The following STXBP3 variants were observed in gnomAD, a reference collection of about 807,000 sequenced individuals.
STXBP3 encodes syntaxin-binding protein 3.
A neutral mutation model predicts 85.7 loss-of-function variants in STXBP3; 41 were observed. The observed-to-expected ratio is 0.48, with a 90% CI of 0.37 to 0.62. The LOEUF (loss-of-function observed/expected upper bound fraction) is 0.62, where lower values mean the gene tolerates loss of function less well. Ranked by LOEUF, STXBP3 falls within the 20% of genes least tolerant of loss-of-function variation. STXBP3 has a pLI of 0.00. For synonymous variants in STXBP3, 229 were observed against 231.7 expected (o/e 0.99, Z 0.10); for missense variants, 563 against 703.1 (o/e 0.80, Z 2.25).
intron 6 of STXBP3, among the ~76,000 whole-genome samples, chr1:108,763,526 A>AATT (rs1662188583): frequency 6.6e-6 from 1 of 152,170 alleles, no homozygotes; most frequent in Non-Finnish European, 1.5e-5. Context: ...TAACTCTAAT[A>AATT]AGAGTCACTG....
chr1:108,798,862 A>G (rs969918777), intron 16 of STXBP3, among the ~76,000 whole-genome samples: 4 of 152,256 alleles, frequency 2.6e-5, no homozygotes, highest in Non-Finnish European at 4.4e-5. Flanking sequence ...ATGAAAGTTC[A>G]ACAAAATAAC....
At chr1:108,786,830 G>T (rs1057266780) in intron 11 of STXBP3, among the ~76,000 whole-genome samples, 8 of 152,260 alleles carry the variant, frequency 5.3e-5, no homozygotes, top group African/African-American at 1.9e-4. Context: ...CTGAAATTTT[G>T]ATTGGGATTA....
chr1:108,779,858 A>C (rs1222457724), intron 9 of STXBP3: 2 of 152,276 alleles, frequency 1.3e-5, no homozygotes, highest in African/African-American at 4.8e-5. Flanking sequence ...ATGGCTATTG[A>C]GGACAACAGG....
intron 11 of STXBP3, among the ~76,000 whole-genome samples, chr1:108,789,422 G>A (rs1390501660): frequency 3.3e-5 from 5 of 152,152 alleles, no homozygotes; most frequent in East Asian, 3.9e-4. Flanking sequence ...CCAAAATATC[G>A]GACACCCCTG....
intron 7 of STXBP3, among the ~76,000 whole-genome samples, 169 bp from the exon 8 acceptor site, chr1:108,776,164 G>T (rs1453587102): frequency 1.3e-5 from 2 of 151,734 alleles, no homozygotes; most frequent in Non-Finnish European, 2.9e-5. Flanking sequence ...CAAATATATC[G>T]ATATAAGATT....
chr1:108,761,558 C>G (rs1319563539), intron 6 of STXBP3, among the ~76,000 whole-genome samples: 1 of 152,116 alleles, frequency 6.6e-6, no homozygotes, highest in African/African-American at 2.4e-5. Flanking sequence ...AGAGAATGCT[C>G]TTGAGAAGTT....
chr1:108,800,265 T>C lies in STXBP3; in HGVS notation c.1495T>C (p.Ser499Pro), dbSNP rs1570774652. The change falls in exon 17 of 19, where the codon TCC becomes CCC. Residue 499 changes from serine to proline, a missense_variant. By Grantham distance (74) the Ser-to-Pro change is moderately conservative (BLOSUM62 -1). Around this residue, in one of 3 missense-constraint regions of STXBP3, gnomAD observed 494 missense variants for 592.8 expected, o/e 0.83. Coordinates refer to ENST00000370008, the MANE Select transcript of STXBP3 (RefSeq NM_007269.4). ...AGATTCAAAAGAATGGCCATATTGT[T>C]CCCAGTGTCCAGCAGTATGGAATGG... ...RLDSKEWPYCSQCPAVWNGSG... is the reference protein window; with the variant it reads ...RLDSKEWPYCPQCPAVWNGSG... 6.2e-7 allele frequency: 1 copy of C among 1,612,776 alleles called. No homozygotes were observed. Among genetic ancestry groups the C allele is most frequent in the Non-Finnish European group, 8.5e-7 (1 of 1,178,936 alleles).
At chr1:108,761,053 G>A (rs369439916) in intron 6 of STXBP3, among the ~76,000 whole-genome samples, 169 of 150,454 alleles carry the variant, frequency 1.1e-3, no homozygotes, top group African/African-American at 3.8e-3. Flanking sequence ...ACAGGCATGC[G>A]TCACCACACC....
intron 6 of STXBP3, among the ~76,000 whole-genome samples, chr1:108,761,744 G>C (rs1662146637): frequency 6.6e-6 from 1 of 152,074 alleles, no homozygotes; most frequent in South Asian, 2.1e-4. Flanking sequence ...AGGCCGAGGT[G>C]GGTGGATTAT....
intron 17 of STXBP3, among the ~76,000 whole-genome samples, chr1:108,801,333 T>A (rs891801765): frequency 5.3e-5 from 8 of 152,228 alleles, no homozygotes; most frequent in Non-Finnish European, 8.8e-5. Flanking sequence ...TATCTACTAA[T>A]TTTTGGTTGA....
intron 11 of STXBP3, among the ~76,000 whole-genome samples, chr1:108,787,631 G>A (rs993121784): frequency 4.6e-5 from 7 of 151,820 alleles, no homozygotes; most frequent in South Asian, 2.1e-4. Flanking sequence ...GATAATGAGC[G>A]TCCTTGTCTC....
intron 17 of STXBP3, among the ~76,000 whole-genome samples, chr1:108,801,554 C>A (rs931972636): frequency 6.6e-6 from 1 of 152,082 alleles, no homozygotes; most frequent in African/African-American, 2.4e-5. Context: ...TCTGTTCAGA[C>A]ACTTCAAGCC....
At chr1:108,749,319 T>A (rs1383328555) in intron 1 of STXBP3, among the ~76,000 whole-genome samples, 3 of 152,200 alleles carry the variant, frequency 2.0e-5, no homozygotes, top group Non-Finnish European at 2.9e-5. Context: ...ACTTGAGACA[T>A]GTAGCTGCTT....
intron 11 of STXBP3, among the ~76,000 whole-genome samples, chr1:108,784,933 TCTGG>T (rs1662793642): frequency 6.6e-6 from 1 of 152,232 alleles, no homozygotes; most frequent in African/African-American, 2.4e-5. Flanking sequence ...GTGTCTCACA[TCTGG>T]GTCATGTTGA....
chr1:108,799,962 G>A (rs1365311638), intron 16 of STXBP3, among the ~76,000 whole-genome samples: 1 of 152,114 alleles, frequency 6.6e-6, no homozygotes, highest in African/African-American at 2.4e-5. Flanking sequence ...CTGATAAGGT[G>A]CCTGGAATCC....
At chr1:108,784,750 A>G (rs1662789847) in intron 11 of STXBP3, among the ~76,000 whole-genome samples, 1 of 152,218 alleles carries the variant, frequency 6.6e-6, no homozygotes, top group Admixed American at 6.5e-5. Context: ...ATAAAATCAA[A>G]AACAAGTTAG....
intron 4 of STXBP3, among the ~76,000 whole-genome samples, chr1:108,757,556 C>T (rs76599366): frequency 0.015 from 2,231 of 151,810 alleles, 63 homozygotes; most frequent in African/African-American, 0.051. Context: ...TACCATTTTT[C>T]ACCTAGCAAA....
intron 3 of STXBP3, among the ~76,000 whole-genome samples, chr1:108,753,768 C>T (rs578019857): frequency 6.6e-6 from 1 of 152,166 alleles, no homozygotes; most frequent in South Asian, 2.1e-4. Context: ...CATGCATAAT[C>T]ATGTTATTCT....
chr1:108,752,332 T>C lies in STXBP3; in HGVS notation c.99+26T>C, dbSNP rs372314000. 1.3e-4 allele frequency: 213 copies of C among 1,603,464 alleles called. No homozygotes were observed. The African/African-American group carries it at 2.5e-3, about 19-fold the overall frequency. ...GTAGAGTTTGCATACCTTGCTCTTA[T>C]AAAAAATAATACAAACTTTAAAAAC... On this transcript the variant is annotated intron_variant, in intron 2 of 18. Transcript: ENST00000370008.
Sources: gnomAD v4.1 joint callset for allele counts (sites outside exome capture counted in the v4.1 genomes callset) on GRCh38, gnomAD v4.1.1 for gene constraint, gnomAD v4.1.1 regional missense constraint, MANE v1.5 for transcripts, NCBI Gene and HGNC (gene_info 2026-07-23, HGNC 2026-07-21) for gene names.